MX2: variants seen among roughly 807,000 people sequenced by gnomAD.
MX2 encodes interferon-induced GTP-binding protein Mx2.
Under a neutral mutation model 74.0 loss-of-function variants are expected in MX2, and 51 were observed. The observed-to-expected ratio is 0.69, with a 90% CI of 0.55 to 0.87. The LOEUF is 0.87. MX2 is among the 40% of genes least tolerant of loss of function. MX2 has a pLI of 0.00. For synonymous variants in MX2, 369 were observed against 339.3 expected (o/e 1.09, Z -0.96); for missense variants, 832 against 908.7 (o/e 0.92, Z 1.09).
At chr21:41,397,868 A>G (rs2089756702) in intron 8 of MX2, among the ~76,000 whole-genome samples, 177 bp downstream of exon 8, 1 of 152,230 alleles carries the variant, frequency 6.6e-6, no homozygotes, top group African/African-American at 2.4e-5. Context: ...TTGGGGAAGC[A>G]ACAAGTACAT....
At chr21:41,398,844 A>C in intron 8 of MX2, 53 bp from the exon 9 acceptor site, 1 of 1,588,338 alleles carries the variant, frequency 6.3e-7, no homozygotes, top group Non-Finnish European at 8.6e-7. Context: ...CAAAGAAATC[A>C]GTTGGCCAAT....
At chr21:41,373,826 A>T (rs1307376947) in intron 1 of MX2, 1 of 150,030 alleles carries the variant, frequency 6.7e-6, no homozygotes, top group Non-Finnish European at 1.5e-5. Flanking sequence ...AAAAAAAAAA[A>T]GCCAGACAGA....
At chr21:41,362,295 G>A (rs954192871) in intron 1 of MX2, among the ~76,000 whole-genome samples, 5 of 152,114 alleles carry the variant, frequency 3.3e-5, no homozygotes, top group African/African-American at 1.2e-4. Context: ...CTGGCCCTGG[G>A]GACAGGGTGG....
intron 3 of MX2, among the ~76,000 whole-genome samples, chr21:41,379,682 G>A (rs537311221): frequency 3.9e-5 from 6 of 152,322 alleles, no homozygotes; most frequent in Admixed American, 2.0e-4. Flanking sequence ...GACATGTACC[G>A]GAGCCCCAGC....
chr21:41,364,399 C>T (rs900392508), intron 1 of MX2: 6 of 152,344 alleles, frequency 3.9e-5, no homozygotes, highest in African/African-American at 1.4e-4. Context: ...TCACCACACT[C>T]TCAGGCTCCT....
chr21:41,378,111 G>C, intron 3 of MX2, 130 bp downstream of exon 3: 1 of 1,183,088 alleles, frequency 8.5e-7, no homozygotes, highest in South Asian at 1.5e-5. Context: ...AGGACGCTGG[G>C]AGAGAGGCCG....
chr21:41,376,298 C>T (rs2089400541), intron 1 of MX2, among the ~76,000 whole-genome samples: 2 of 152,194 alleles, frequency 1.3e-5, no homozygotes, highest in African/African-American at 4.8e-5. Context: ...CTTTGGGATG[C>T]TGAGGCGGAC....
chr21:41,382,632 C>A, intron 5 of MX2, 68 bp downstream of exon 5: 1 of 1,588,058 alleles, frequency 6.3e-7, no homozygotes, highest in Non-Finnish European at 8.6e-7. Context: ...TCCCCAGGGT[C>A]CTGGTGTACC....
At chr21:41,403,617 G>T (rs1288515949) in intron 12 of MX2, 1 of 682,410 alleles carries the variant, frequency 1.5e-6, no homozygotes, top group Non-Finnish European at 2.8e-6. Flanking sequence ...AGGATGTGGG[G>T]CTCCACCGAG....
rs149712045 is a variant in MX2, at chr21:41,388,201, C to T, written c.733-2364C>T. On this transcript the variant is annotated intron_variant, in intron 5 of 13. Coordinates refer to ENST00000330714, the MANE Select transcript of MX2 (RefSeq NM_002463.2). This position sits in a 1 kb window ranked among gnomAD's most constrained non-coding sequence, Gnocchi z 4.0. ...GTCAGATGCTATCATCCTTAAAGTT[C>T]CCCAGCGGCTCCCATGTCAATCAGT... is the stretch of plus-strand genomic sequence containing the variant. Among the ~76,000 whole-genome samples the T allele has an allele frequency of 2.5e-3, 375 of 152,274 alleles. 1 individual carries two copies. The highest frequency in any genetic ancestry group is 8.9e-3 in the African/African-American group (369 of 41,546).
intron 1 of MX2, among the ~76,000 whole-genome samples, chr21:41,373,646 C>A (rs1420697542): frequency 2.0e-5 from 3 of 152,106 alleles, no homozygotes; most frequent in Non-Finnish European, 4.4e-5. Context: ...CATCCAGAAT[C>A]CAGTCGGCTC....
chr21:41,393,110 C>CAAAAAAAAAAAAAAAAAAAAAAA (rs373955778), intron 6 of MX2, among the ~76,000 whole-genome samples: 34 of 60,066 alleles, frequency 5.7e-4, no homozygotes, highest in East Asian at 1.5e-3. Context: ...CTCAAAAAAG[C>CAAAAAAAAAAAAAAAAAAAAAAA]AAAAAAAAAA....
chr21:41,392,117 T>C (rs936220913), intron 6 of MX2, among the ~76,000 whole-genome samples: 2 of 152,198 alleles, frequency 1.3e-5, no homozygotes, highest in African/African-American at 4.8e-5. Context: ...CTAAGGATAA[T>C]GGCCTCCAGA....
chr21:41,377,277 T>C, intron 2 of MX2, 122 bp downstream of exon 2: 1 of 1,352,662 alleles, frequency 7.4e-7, no homozygotes, highest in Non-Finnish European at 1.0e-6. Context: ...AGCTGATGTC[T>C]CCAGCTCTCC....
chr21:41,370,471 G>A (rs1470030322), intron 1 of MX2: 1 of 152,238 alleles, frequency 6.6e-6, no homozygotes, highest in Non-Finnish European at 1.5e-5. Flanking sequence ...AGTTTCCCAT[G>A]AGCTCTGTTT....
intron 13 of MX2, among the ~76,000 whole-genome samples, chr21:41,407,486 T>G (rs1270014519): frequency 6.6e-6 from 1 of 152,202 alleles, no homozygotes; most frequent in African/African-American, 2.4e-5. Flanking sequence ...CTATCCAATA[T>G]GCAAGTATCA....
At position 41,380,217 on chromosome 21, in the gene MX2, C is replaced by T; in HGVS notation, c.577+66C>T. 1 of 1,601,024 alleles carries T rather than the reference C, an allele frequency of 6.2e-7. No homozygotes were observed. Among genetic ancestry groups the T allele is most frequent in the Non-Finnish European group, 8.5e-7 (1 of 1,172,370 alleles). ...TCCTCTCACTTCCTCGGTTCCTTCTCCTCTTCCTCAAGTCACCCCCACAGT... is the reference window on the plus strand; with the variant it reads ...TCCTCTCACTTCCTCGGTTCCTTCTTCTCTTCCTCAAGTCACCCCCACAGT... On this transcript the variant is annotated intron_variant, in intron 4 of 13. Coordinates refer to ENST00000330714, the MANE Select transcript of MX2 (RefSeq NM_002463.2). The surrounding 1 kb of genome is among the most constrained non-coding windows in gnomAD (Gnocchi z 4.3).
Position 41,405,047 on chromosome 21 carries a change from G to A in MX2, c.1651-1697G>A, listed in dbSNP as rs184082240. 5.9e-4 allele frequency among the ~76,000 whole-genome samples: 89 copies of A among 152,078 alleles called. 1 individual carries two copies. The highest frequency in any genetic ancestry group is 5.2e-3 in the South Asian group (25 of 4,816). ...GCCTAGGCCAGGTGTGGTGGCTCAC[G>A]CCTGTAATCCTAGCACTTTGGGAGG... is the stretch of plus-strand genomic sequence containing the variant. On this transcript the variant is annotated intron_variant, in intron 12 of 13. Transcript: ENST00000330714.
At chr21:41,407,927 T>C (rs1458230769) in intron 13 of MX2, 64 bp from the exon 14 acceptor site, 1 of 1,594,410 alleles carries the variant, frequency 6.3e-7, no homozygotes, top group East Asian at 2.2e-5. Context: ...CCATGCCTTC[T>C]CTCTGCAACC....
Sources: allele counts gnomAD v4.1 joint callset (sites outside exome capture counted in the v4.1 genomes callset), GRCh38; gene constraint gnomAD v4.1.1; non-coding constraint Gnocchi (gnomAD v3.1); transcripts MANE v1.5; gene names NCBI Gene and HGNC (gene_info 2026-07-23, HGNC 2026-07-21).